Variants in RBFOX3 observed in about 807,000 individuals in gnomAD.
The protein encoded by RBFOX3 is RNA binding protein fox-1 homolog 3.
Under a neutral mutation model 48.7 loss-of-function variants are expected in RBFOX3, and 17 were observed. That is an observed-to-expected ratio of 0.35 (90% CI 0.24 to 0.52). RBFOX3 has a LOEUF of 0.52. Ranked by LOEUF, RBFOX3 falls within the 20% of genes least tolerant of loss-of-function variation. The probability of loss-of-function intolerance (pLI) is 0.94; values close to 1 mark genes in which losing one functional copy is unlikely to be tolerated. For missense variants in RBFOX3, 382 were observed against 497.5 expected, an observed-to-expected ratio of 0.77 and a Z score of 2.21; for synonymous variants, 212 against 209.5, an observed-to-expected ratio of 1.01 and a Z score of -0.10.
intron 1 of RBFOX3, among the ~76,000 whole-genome samples, chr17:79,570,543 A>T (rs1012714635): frequency 6.6e-6 from 1 of 152,196 alleles, no homozygotes; most frequent in Admixed American, 6.5e-5. Flanking sequence ...GCAGTCTAAG[A>T]ACTTCTGAGC....
chr17:79,115,614 G>T lies in RBFOX3; in HGVS notation c.102C>A (p.Ser34=). 7.0e-7 allele frequency: 1 copy of T among 1,434,482 alleles called. No homozygotes were observed. The allele number at this position is 1,434,482 out of a possible 1,614,324, so 88.9% of individuals were successfully genotyped here. A position where few individuals can be genotyped will look rare whatever the true frequency, so the allele number is the denominator to read the frequency against. The change falls in exon 5 of 15, where the codon TCC becomes TCA. Residue 34 remains serine (S), a synonymous_variant. Transcript: ENST00000693108. ...GCTCTGTGGGGACCGGGGTCTGGCC[G>T]GAGTAGTCCTGCGTGGGGTGCGGTG... ...PPPPHPTQDY[S]GQTPVPTEHG... is the part of the protein sequence containing the mutation.
In RBFOX3 at chr17:79,348,048, C is replaced by T. The variant is rs1253697178; in HGVS notation, c.-174-40224G>A. 3.9e-5 allele frequency among the ~76,000 whole-genome samples: 6 copies of T among 152,302 alleles called. 1 individual carries two copies. In the South Asian group the frequency reaches 1.0e-3, roughly 26 times the overall value. On this transcript the variant is annotated intron_variant, in intron 2 of 14. Coordinates refer to ENST00000693108, the MANE Select transcript of RBFOX3 (RefSeq NM_001350451.2). ...AAAAAATCACAGTCAACCCCATCCA[C>T]TCCACCAAATTCCTCCTTAGATCAG...
chr17:79,507,361 G>A (rs939372622), intron 1 of RBFOX3, among the ~76,000 whole-genome samples: 4 of 152,284 alleles, frequency 2.6e-5, no homozygotes, highest in South Asian at 2.1e-4. Context: ...AGCAGGGCCC[G>A]AGACTTATAA....
At chr17:79,422,984 G>T (rs941321758) in intron 2 of RBFOX3, among the ~76,000 whole-genome samples, 4 of 151,952 alleles carry the variant, frequency 2.6e-5, no homozygotes, top group Non-Finnish European at 4.4e-5. Context: ...GTCGCAGGGA[G>T]AAGGCGGCAT....
At chr17:79,510,798 C>CACAGTGGAGG (rs2084041636) in intron 1 of RBFOX3, among the ~76,000 whole-genome samples, 1 of 152,164 alleles carries the variant, frequency 6.6e-6, no homozygotes, top group African/African-American at 2.4e-5. Context: ...GCTGGCCAGG[C>CACAGTGGAGG]ACAGTGGAGG....
At chr17:79,515,210 A>G (rs1555782920) in intron 1 of RBFOX3, among the ~76,000 whole-genome samples, 2 of 152,206 alleles carry the variant, frequency 1.3e-5, no homozygotes, top group African/African-American at 4.8e-5. Flanking sequence ...CATCTGGATC[A>G]GCAGAGCCCT....
the RBFOX3 span, among the ~76,000 whole-genome samples, chr17:79,620,610 T>C: frequency 9.4e-5 from 10 of 106,876 alleles, no homozygotes; most frequent in Non-Finnish European, 1.4e-4. Flanking sequence ...CACGCACACA[T>C]GCACACACGC....
chr17:79,321,791 T>C (rs984249538), intron 2 of RBFOX3, among the ~76,000 whole-genome samples: 9 of 150,986 alleles, frequency 6.0e-5, no homozygotes, highest in Admixed American at 3.3e-4. Context: ...CTGCAACCTC[T>C]GCCTCCCCGG....
intron 2 of RBFOX3, among the ~76,000 whole-genome samples, chr17:79,355,797 T>C (rs1598367436): frequency 6.6e-6 from 1 of 152,278 alleles, no homozygotes; most frequent in East Asian, 1.9e-4. Context: ...GCCAGGCTGG[T>C]CTTGAACTCC....
chr17:79,181,136 G>C (rs950174035), intron 4 of RBFOX3, among the ~76,000 whole-genome samples: 1 of 152,236 alleles, frequency 6.6e-6, no homozygotes, highest in Non-Finnish European at 1.5e-5. Flanking sequence ...CATTCAGCCA[G>C]TGAGGACTAT....
At chr17:79,352,713 C>G (rs1456527234) in intron 2 of RBFOX3, among the ~76,000 whole-genome samples, 4 of 152,190 alleles carry the variant, frequency 2.6e-5, no homozygotes, top group Non-Finnish European at 5.9e-5. Flanking sequence ...TGAAGAAAGG[C>G]AAAGAATGGT....
At chr17:79,253,164 A>T (rs1483384736) in intron 3 of RBFOX3, among the ~76,000 whole-genome samples, 2 of 151,914 alleles carry the variant, frequency 1.3e-5, no homozygotes, top group Non-Finnish European at 2.9e-5. Flanking sequence ...GGTAACCACC[A>T]CTCCTCCTAG....
chr17:79,459,604 A>C (rs1598787632), intron 2 of RBFOX3, among the ~76,000 whole-genome samples: 1 of 151,432 alleles, frequency 6.6e-6, no homozygotes, highest in African/African-American at 2.4e-5. Context: ...CAAGTCCACC[A>C]CCCCCACCCC....
chr17:79,507,359 C>T (rs924209430), intron 1 of RBFOX3, among the ~76,000 whole-genome samples: 3 of 152,120 alleles, frequency 2.0e-5, no homozygotes, highest in East Asian at 1.9e-4. Flanking sequence ...TAAGCAGGGC[C>T]CGAGACTTAT....
At chr17:79,519,026 A>T (rs1015561970) in intron 1 of RBFOX3, among the ~76,000 whole-genome samples, 2 of 152,220 alleles carry the variant, frequency 1.3e-5, no homozygotes, top group African/African-American at 4.8e-5. Flanking sequence ...TGTACCCGGG[A>T]AGCACCAAGA....
chr17:79,620,461 ACATGCACACG>A, the RBFOX3 span, among the ~76,000 whole-genome samples: 2 of 150,384 alleles, frequency 1.3e-5, no homozygotes, highest in African/African-American at 4.9e-5. Flanking sequence ...ATGCGCACAC[ACATGCACACG>A]TGCACACACG....
intron 5 of RBFOX3, 89 bp from the exon 6 acceptor site, chr17:79,106,877 C>G: frequency 7.7e-7 from 1 of 1,297,998 alleles, no homozygotes; most frequent in Non-Finnish European, 9.6e-7. Flanking sequence ...GTCTAAAGGC[C>G]AGATTCTCCC....
At chr17:79,563,339 C>T (rs2092326979) in intron 1 of RBFOX3, among the ~76,000 whole-genome samples, 1 of 152,226 alleles carries the variant, frequency 6.6e-6, no homozygotes, top group African/African-American at 2.4e-5. Flanking sequence ...AGACAGCGGC[C>T]TGGTGAGGCA....
intron 3 of RBFOX3, among the ~76,000 whole-genome samples, chr17:79,286,512 C>T (rs375646494): frequency 4.2e-4 from 64 of 152,298 alleles, no homozygotes; most frequent in African/African-American, 1.4e-3. Context: ...GCTTCACGCC[C>T]GGCCCCTGAT....
Sources: allele counts gnomAD v4.1 joint callset (sites outside exome capture counted in the v4.1 genomes callset), GRCh38; gene constraint gnomAD v4.1.1; transcripts MANE v1.5; gene names NCBI Gene and HGNC (gene_info 2026-07-23, HGNC 2026-07-21).